ATXN1: variants seen among roughly 807,000 people sequenced by gnomAD.
The protein encoded by ATXN1 is ataxin 1.
A neutral mutation model predicts 56.4 loss-of-function variants in ATXN1; 8 were observed. The observed-to-expected ratio is 0.14, with a 90% CI of 0.08 to 0.26. The LOEUF is 0.26. Ranked by LOEUF, ATXN1 falls within the 10% of genes least tolerant of loss-of-function variation. The pLI, the probability that ATXN1 is intolerant of heterozygous loss-of-function variation, is 1.00. For synonymous variants in ATXN1, 514 were observed against 494.6 expected (o/e 1.04, Z -0.52); for missense variants, 987 against 1,106.5 (o/e 0.89, Z 1.53).
chr6:16,355,596 C>T (rs1331661584), intron 6 of ATXN1, among the ~76,000 whole-genome samples: 1 of 150,500 alleles, frequency 6.6e-6, no homozygotes, highest in Non-Finnish European at 1.5e-5. Context: ...GAGTCTCGCT[C>T]TGTCGCCCAG....
intron 5 of ATXN1, among the ~76,000 whole-genome samples, chr6:16,491,725 G>C (rs1458384691): frequency 2.6e-5 from 4 of 152,194 alleles, no homozygotes; most frequent in Non-Finnish European, 4.4e-5. Context: ...AGGTTCTGCT[G>C]TTGTGAAGGG....
chr6:16,678,697 G>A (rs1424584652), intron 2 of ATXN1, among the ~76,000 whole-genome samples: 1 of 152,198 alleles, frequency 6.6e-6, no homozygotes, highest in Admixed American at 6.5e-5. Context: ...CAAAAAAAAT[G>A]TTTAAGTTAA....
intron 4 of ATXN1, among the ~76,000 whole-genome samples, chr6:16,567,555 AG>A (rs1386288202): frequency 1.3e-5 from 2 of 152,296 alleles, no homozygotes; most frequent in South Asian, 4.1e-4. Flanking sequence ...AACTCTGACA[AG>A]CTTGCATAGT....
Position 16,540,501 on chromosome 6 carries a change from T to C in ATXN1, c.-360-17813A>G, listed in dbSNP as rs927754690. 2.6e-5 allele frequency among the ~76,000 whole-genome samples: 4 copies of C among 152,176 alleles called. No individual in the cohort carries two copies. The East Asian group carries it at 7.7e-4, about 29-fold the overall frequency. On this transcript the variant is annotated intron_variant, in intron 4 of 7. Transcript: ENST00000436367. Reference sequence around the variant, plus strand: ...TGCTGGGATTACAGGCATGAGCCACTGCGCCCGGAACTGATTCAGCTCTCC... The same window carrying C: ...TGCTGGGATTACAGGCATGAGCCACCGCGCCCGGAACTGATTCAGCTCTCC...
intron 4 of ATXN1, among the ~76,000 whole-genome samples, chr6:16,526,041 C>CTA (rs71769107): frequency 0.051 from 6,542 of 127,040 alleles, 237 homozygotes; most frequent in East Asian, 0.09. Context: ...AGAAATAAAT[C>CTA]TATATATATA....
intron 3 of ATXN1, among the ~76,000 whole-genome samples, chr6:16,610,446 A>T (rs986844347): frequency 6.6e-6 from 1 of 152,088 alleles, no homozygotes; most frequent in Non-Finnish European, 1.5e-5. Flanking sequence ...AAATACAGGT[A>T]ACCAGGTCAC....
chr6:16,327,996 C>T lies in ATXN1; in HGVS notation c.315G>A (p.Ala105=), dbSNP rs757330921. 3.6e-5 allele frequency: 58 copies of T among 1,613,492 alleles called. No individual in the cohort carries two copies. The highest frequency in any genetic ancestry group is 1.6e-4 in the Middle Eastern group (1 of 6,080). The change falls in exon 7 of 8, where the codon GCG becomes GCA. Residue 105 remains alanine (A), a synonymous_variant. Coordinates refer to ENST00000436367, the MANE Select transcript of ATXN1 (RefSeq NM_001128164.2). ...GGGTCCCTGGCTGCGGGGTGGCGTACGCGGCAGGCAGCGTGGTGGCCACGG... is the reference window on the plus strand; with the variant it reads ...GGGTCCCTGGCTGCGGGGTGGCGTATGCGGCAGGCAGCGTGGTGGCCACGG... ...SVPVATTLPA[A]YATPQPGTPV...
chr6:16,376,502 C>A (rs1762143405), intron 6 of ATXN1, among the ~76,000 whole-genome samples: 1 of 152,130 alleles, frequency 6.6e-6, no homozygotes, highest in South Asian at 2.1e-4. Context: ...ACCCTCAAAG[C>A]ATTGCAATGA....
intron 5 of ATXN1, among the ~76,000 whole-genome samples, chr6:16,507,634 T>C (rs556509282): frequency 5.3e-5 from 8 of 152,310 alleles, no homozygotes; most frequent in African/African-American, 1.9e-4. Flanking sequence ...TACCCTTAAT[T>C]TTTGAGTTCT....
At chr6:16,353,787 T>C (rs1761622810) in intron 6 of ATXN1, among the ~76,000 whole-genome samples, 2 of 152,224 alleles carry the variant, frequency 1.3e-5, no homozygotes, top group South Asian at 4.1e-4. Flanking sequence ...GCTACAGGCA[T>C]TATGCTTTAA....
intron 5 of ATXN1, among the ~76,000 whole-genome samples, chr6:16,517,278 C>T (rs958500063): frequency 1.3e-5 from 2 of 152,160 alleles, no homozygotes; most frequent in Admixed American, 6.6e-5. Flanking sequence ...CACACAAATA[C>T]AGTAGTCAGT....
intron 2 of ATXN1, among the ~76,000 whole-genome samples, chr6:16,735,213 A>G (rs1760087900): frequency 6.6e-6 from 1 of 152,136 alleles, no homozygotes; most frequent in African/African-American, 2.4e-5. Context: ...TGGAGATAAT[A>G]ATGACCTATG....
intron 6 of ATXN1, among the ~76,000 whole-genome samples, chr6:16,364,030 G>A (rs1449227918): frequency 1.3e-5 from 2 of 152,200 alleles, no homozygotes; most frequent in Non-Finnish European, 2.9e-5. Flanking sequence ...TTTGGCAGCA[G>A]GTGCTGGCTT....
intron 6 of ATXN1, among the ~76,000 whole-genome samples, chr6:16,389,175 A>G (rs1461825897): frequency 1.3e-5 from 2 of 151,854 alleles, no homozygotes; most frequent in Non-Finnish European, 2.9e-5. Context: ...CGTCTGTACT[A>G]AAAGTACAAA....
intron 2 of ATXN1, among the ~76,000 whole-genome samples, chr6:16,746,914 T>TCTTTCAAC (rs1760553883): frequency 6.6e-6 from 1 of 152,124 alleles, no homozygotes; most frequent in Non-Finnish European, 1.5e-5. Flanking sequence ...AGAGATCATT[T>TCTTTCAAC]CTTTCAACCT....
intron 6 of ATXN1, among the ~76,000 whole-genome samples, chr6:16,462,721 G>A (rs774939141): frequency 1.3e-5 from 2 of 152,080 alleles, no homozygotes; most frequent in African/African-American, 2.4e-5. Context: ...TCCAAGCCCC[G>A]TTATGCATCC....
intron 4 of ATXN1, among the ~76,000 whole-genome samples, chr6:16,574,294 C>T (rs911058709): frequency 1.3e-5 from 2 of 152,252 alleles, no homozygotes; most frequent in Non-Finnish European, 2.9e-5. Context: ...CAACCTCTGC[C>T]TCCGGGGTTC....
At chr6:16,615,239 G>A (rs962423330) in intron 3 of ATXN1, 10 of 148,366 alleles carry the variant, frequency 6.7e-5, no homozygotes, top group South Asian at 4.4e-4. Context: ...GGAAATTTCC[G>A]AAGCTGCTAT....
intron 6 of ATXN1, among the ~76,000 whole-genome samples, chr6:16,364,310 A>ACT (rs1761871599): frequency 6.7e-6 from 1 of 149,186 alleles, no homozygotes; most frequent in Non-Finnish European, 1.5e-5. Flanking sequence ...GAGGTTCTAG[A>ACT]TTTTTTTTTT....
Sources: allele counts gnomAD v4.1 joint callset (sites outside exome capture counted in the v4.1 genomes callset), GRCh38; gene constraint gnomAD v4.1.1; transcripts MANE v1.5; gene names NCBI Gene and HGNC (gene_info 2026-07-23, HGNC 2026-07-21).